Variants in LIN52 observed in about 807,000 individuals in gnomAD.
LIN52 encodes the protein protein lin-52 homolog.
A neutral mutation model predicts 18.5 loss-of-function variants in LIN52; 4 were observed. The observed-to-expected ratio is 0.22, with a 90% confidence interval of 0.11 to 0.49. The LOEUF is 0.49. Ranked by LOEUF, LIN52 falls within the 20% of genes least tolerant of loss-of-function variation. The pLI, the probability that LIN52 is intolerant of heterozygous loss-of-function variation, is 0.97. For missense variants in LIN52, 102 were observed against 139.5 expected (o/e 0.73, Z 1.35); for synonymous variants, 34 against 45.5 (o/e 0.75, Z 1.02).
At chr14:74,128,627 A>T (rs1595167094) in intron 5 of LIN52, among the ~76,000 whole-genome samples, 1 of 152,216 alleles carries the variant, frequency 6.6e-6, no homozygotes, top group East Asian at 1.9e-4. Flanking sequence ...TGTGAATTAT[A>T]TCTCAGTAAA....
chr14:74,151,505 TAAAAG>T (rs1478732875), intron 5 of LIN52, among the ~76,000 whole-genome samples: 1 of 120,544 alleles, frequency 8.3e-6, no homozygotes, highest in African/African-American at 2.6e-5. Context: ...GAGCAGAAAT[TAAAAG>T]AAAAAAGTGA....
rs201932414 is a variant in LIN52, at chr14:74,159,567, G to T, written c.284-39355G>T. On this transcript the variant is annotated intron_variant, in intron 5 of 5. Coordinates refer to ENST00000555028, the MANE Select transcript of LIN52 (RefSeq NM_001024674.3). The stretch of plus-strand genomic sequence containing the variant: ...CCTAGAGTCCTCATATGTGGGGTTT[G>T]TTTTTTTTTTTTTTTTTTTTGGTGA... 2.4e-3 allele frequency among the ~76,000 whole-genome samples: 318 copies of T among 133,538 alleles called. 3 individuals are homozygous for T. Among genetic ancestry groups the T allele is most frequent in the South Asian group, 9.6e-3 (40 of 4,150 alleles). 87.6% of individuals were successfully genotyped at this position (133,538 alleles called of 152,430 possible).
At chr14:74,087,847 G>C (rs1223667483) in intron 1 of LIN52, among the ~76,000 whole-genome samples, 1 of 152,190 alleles carries the variant, frequency 6.6e-6, no homozygotes, top group Non-Finnish European at 1.5e-5. Context: ...CAGAGTCTGA[G>C]TTCTATCCCA....
intron 5 of LIN52, among the ~76,000 whole-genome samples, chr14:74,147,002 TA>T (rs2061154827): frequency 6.6e-6 from 1 of 152,128 alleles, no homozygotes; most frequent in Admixed American, 6.5e-5. Flanking sequence ...CTCATGCCTG[TA>T]AACCCAGCAA....
intron 5 of LIN52, among the ~76,000 whole-genome samples, chr14:74,156,678 G>C (rs2061200244): frequency 6.6e-6 from 1 of 152,116 alleles, no homozygotes; most frequent in African/African-American, 2.4e-5. Flanking sequence ...CTGGCTATTT[G>C]AAAATATACA....
intron 5 of LIN52, among the ~76,000 whole-genome samples, chr14:74,156,833 A>G (rs1216702545): frequency 3.9e-5 from 6 of 152,072 alleles, no homozygotes; most frequent in Non-Finnish European, 8.8e-5. Flanking sequence ...AGTAACCACT[A>G]TTCTACTCTG....
intron 5 of LIN52, among the ~76,000 whole-genome samples, chr14:74,179,362 A>T (rs1269441057): frequency 1.3e-5 from 2 of 152,118 alleles, no homozygotes; most frequent in Non-Finnish European, 2.9e-5. Context: ...GTTTTGGTAA[A>T]AATTCTAATT....
At chr14:74,134,167 A>C (rs980557548) in intron 5 of LIN52, among the ~76,000 whole-genome samples, 12 of 152,256 alleles carry the variant, frequency 7.9e-5, no homozygotes, top group Middle Eastern at 3.4e-3. Context: ...ATTATCTGCA[A>C]TTTCTTTATG....
rs71460962 is a variant in LIN52, at chr14:74,165,513, C to CTTTTTTTTTTTTTTTTTTTTTTTT, written c.284-33394_284-33393insTTTTTTTTTTTTTTTTTTTTTTTT. 2.7e-5 allele frequency among the ~76,000 whole-genome samples: 3 copies of CTTTTTTTTTTTTTTTTTTTTTTTT among 110,262 alleles called. 1 individual carries two copies. Among genetic ancestry groups the CTTTTTTTTTTTTTTTTTTTTTTTT allele is most frequent in the African/African-American group, 7.5e-5 (2 of 26,640 alleles). 72.3% of individuals were successfully genotyped at this position (110,262 alleles called of 152,430 possible). A position where few individuals can be genotyped will look rare whatever the true frequency, so the allele number is the denominator to read the frequency against. ...AATGGAGAATTACAGGTTTTCTTTT[C>CTTTTTTTTTTTTTTTTTTTTTTTT]TTTTTTTTTTTTTTTGAGACAGAGT... On this transcript the variant is annotated intron_variant, in intron 5 of 5. Transcript: ENST00000555028.
chr14:74,129,748 TGAGAC>T (rs374730410), intron 5 of LIN52, among the ~76,000 whole-genome samples: 36 of 152,246 alleles, frequency 2.4e-4, no homozygotes, highest in Admixed American at 5.2e-4. Flanking sequence ...CTTGGGAGGC[TGAGAC>T]AAGAGGATTC....
chr14:74,183,542 G>A (rs748013994), intron 5 of LIN52, among the ~76,000 whole-genome samples: 6 of 152,124 alleles, frequency 3.9e-5, no homozygotes, highest in Non-Finnish European at 5.9e-5. Context: ...GATATGTAGT[G>A]ATAATGAGGA....
intron 5 of LIN52, among the ~76,000 whole-genome samples, chr14:74,140,739 G>A (rs1041813304): frequency 1.3e-5 from 2 of 152,188 alleles, no homozygotes; most frequent in Non-Finnish European, 2.9e-5. Flanking sequence ...AAGAGGCTGG[G>A]TATTATCATC....
At chr14:74,098,357 A>G (rs971696471) in intron 4 of LIN52, among the ~76,000 whole-genome samples, 26 of 151,950 alleles carry the variant, frequency 1.7e-4, no homozygotes, top group Non-Finnish European at 3.1e-4. Context: ...CGTCTCTACT[A>G]AAAATACAAA....
intron 5 of LIN52, among the ~76,000 whole-genome samples, chr14:74,135,888 TA>T (rs1374872202): frequency 2.0e-5 from 3 of 152,064 alleles, no homozygotes; most frequent in Non-Finnish European, 4.4e-5. Context: ...TCACATACCA[TA>T]AGGTTTATGT....
chr14:74,125,779 A>G (rs950408982), intron 5 of LIN52, among the ~76,000 whole-genome samples: 5 of 151,496 alleles, frequency 3.3e-5, no homozygotes, highest in Admixed American at 6.6e-5. Flanking sequence ...TCAGCAAACT[A>G]TCACAAGGAT....
At chr14:74,164,766 T>G (rs1392943422) in intron 5 of LIN52, among the ~76,000 whole-genome samples, 1 of 152,170 alleles carries the variant, frequency 6.6e-6, no homozygotes, top group African/African-American at 2.4e-5. Context: ...CTGATCACAC[T>G]GTAGCAAAGC....
chr14:74,158,757 C>T (rs1450308665), intron 5 of LIN52, among the ~76,000 whole-genome samples: 3 of 152,174 alleles, frequency 2.0e-5, no homozygotes, highest in Non-Finnish European at 2.9e-5. Flanking sequence ...GGATTACAGG[C>T]GTGAGCCACT....
chr14:74,111,710 A>T (rs149936843), intron 5 of LIN52, among the ~76,000 whole-genome samples: 92 of 151,650 alleles, frequency 6.1e-4, no homozygotes, highest in African/African-American at 2.1e-3. Flanking sequence ...ATTAAGTCCT[A>T]CCTCTCATAG....
At chr14:74,161,630 G>C (rs2061225419) in intron 5 of LIN52, among the ~76,000 whole-genome samples, 1 of 152,370 alleles carries the variant, frequency 6.6e-6, no homozygotes, top group East Asian at 1.9e-4. Context: ...GAGGAACTTA[G>C]TGGAGGTCCC....
Sources: allele counts gnomAD v4.1 joint callset (sites outside exome capture counted in the v4.1 genomes callset), GRCh38; gene constraint gnomAD v4.1.1; transcripts MANE v1.5; gene names NCBI Gene and HGNC (gene_info 2026-07-23, HGNC 2026-07-21).